RBFOX1: variants seen among roughly 807,000 people sequenced by gnomAD.
RBFOX1 encodes the protein RNA binding fox-1 homolog 1.
Under a neutral mutation model 57.7 loss-of-function variants are expected in RBFOX1, and 8 were observed. The ratio of observed to expected loss-of-function variants is 0.14; its 90% CI spans 0.08 to 0.25. RBFOX1 has a LOEUF of 0.25. RBFOX1 is among the 10% of genes least tolerant of loss of function. RBFOX1 has a pLI of 1.00. For missense variants in RBFOX1, 611 were observed against 548.5 expected, an observed-to-expected ratio of 1.11 and a Z score of -1.14; for synonymous variants, 326 against 222.4, an observed-to-expected ratio of 1.47 and a Z score of -4.15.
At chr16:7,001,115 G>T (rs1393607447) in intron 3 of RBFOX1, among the ~76,000 whole-genome samples, 5 of 152,106 alleles carry the variant, frequency 3.3e-5, no homozygotes, top group African/African-American at 9.7e-5. Flanking sequence ...AGGGGCATCT[G>T]TATCTTCCTT....
At chr16:7,413,506 C>T (rs1259165075) in intron 4 of RBFOX1, among the ~76,000 whole-genome samples, 2 of 152,090 alleles carry the variant, frequency 1.3e-5, no homozygotes, top group Non-Finnish European at 2.9e-5. Flanking sequence ...CTGGGGACCA[C>T]ACTTTGCAAG....
intron 3 of RBFOX1, chr16:5,611,154 C>G (rs2047771998): frequency 6.6e-6 from 1 of 152,326 alleles, no homozygotes; most frequent in South Asian, 2.1e-4. Context: ...CCGAATCCAC[C>G]CAGTCTCCCT....
chr16:6,119,761 A>C (rs996442603), intron 1 of RBFOX1, among the ~76,000 whole-genome samples: 1 of 152,200 alleles, frequency 6.6e-6, no homozygotes, highest in Non-Finnish European at 1.5e-5. Context: ...CAGCCTCCTG[A>C]AACACTAGGA....
At chr16:7,489,707 C>CT (rs1753413770) in intron 4 of RBFOX1, among the ~76,000 whole-genome samples, 1 of 150,862 alleles carries the variant, frequency 6.6e-6, no homozygotes, top group East Asian at 1.9e-4. Flanking sequence ...TTGTAGAGAC[C>CT]GTTTTTTTTT....
intron 3 of RBFOX1, among the ~76,000 whole-genome samples, chr16:6,796,155 G>A (rs555716657): frequency 7.2e-5 from 11 of 152,132 alleles, no homozygotes; most frequent in Admixed American, 2.0e-4. Flanking sequence ...ACATGGTGGC[G>A]GACAAGAGAA....
At chr16:7,044,150 G>A (rs1010237723) in intron 3 of RBFOX1, among the ~76,000 whole-genome samples, 2 of 152,054 alleles carry the variant, frequency 1.3e-5, no homozygotes, top group African/African-American at 4.8e-5. Context: ...TCCAGAAGGT[G>A]CTTGAGATAT....
intron 1 of RBFOX1, among the ~76,000 whole-genome samples, chr16:5,275,624 C>T (rs949140493): frequency 6.6e-6 from 1 of 152,062 alleles, no homozygotes. Context: ...AAGCAGTTTA[C>T]AAATTTAATG....
rs535479819 is a variant in RBFOX1 at position 6,449,681 on chromosome 16, C to T, written c.-64+132624C>T. The stretch of plus-strand genomic sequence containing the variant: ...CGTCAACACTGGGGTAAATCTCTAA[C>T]GTTGCATTCTGGAGTGCTGTTTAAG... On this transcript the variant is annotated intron_variant, in intron 2 of 15. Transcript: ENST00000550418. 3.9e-5 allele frequency among the ~76,000 whole-genome samples: 6 copies of T among 152,238 alleles called. No individual in the cohort carries two copies. In the South Asian group the frequency reaches 8.3e-4, roughly 21 times the overall value.
intron 3 of RBFOX1, among the ~76,000 whole-genome samples, chr16:6,989,950 G>A (rs890050066): frequency 1.3e-5 from 2 of 152,114 alleles, no homozygotes; most frequent in African/African-American, 4.8e-5. Flanking sequence ...GCAGTGAACT[G>A]AGACCGCACC....
intron 14 of RBFOX1, among the ~76,000 whole-genome samples, chr16:7,684,030 G>C (rs370280802): frequency 6.6e-6 from 1 of 152,168 alleles, no homozygotes; most frequent in East Asian, 1.9e-4. Context: ...TTCAAGATAA[G>C]ATGAAATTTT....
chr16:5,335,988 TA>T (rs1355785488), intron 1 of RBFOX1, among the ~76,000 whole-genome samples: 6 of 152,254 alleles, frequency 3.9e-5, no homozygotes, highest in Non-Finnish European at 7.4e-5. Context: ...TAGGAATTAT[TA>T]TTAGTCCAAT....
intron 3 of RBFOX1, among the ~76,000 whole-genome samples, chr16:6,986,402 T>G (rs955322457): frequency 2.0e-5 from 3 of 151,958 alleles, no homozygotes; most frequent in Non-Finnish European, 2.9e-5. Context: ...TTTCACCATG[T>G]TGGCCAGGCT....
chr16:6,786,933 T>G (rs1009298830), intron 3 of RBFOX1, among the ~76,000 whole-genome samples: 2 of 152,164 alleles, frequency 1.3e-5, no homozygotes, highest in South Asian at 4.1e-4. Context: ...TTATTGACTC[T>G]TAGGGACCTT....
Position 5,777,288 on chromosome 16 carries a change from A to G in RBFOX1, c.319-90015A>G, listed in dbSNP as rs145457789. On this transcript the variant is annotated intron_variant, in intron 3 of 19. Coordinates refer to the RBFOX1 transcript ENST00000641259. Reference sequence around the variant, plus strand: ...CTACCTTCATAGTCAGCAACAGATAATCTTCAAGTCTTTTAATTCTGACCC... The same window carrying G: ...CTACCTTCATAGTCAGCAACAGATAGTCTTCAAGTCTTTTAATTCTGACCC... Among the ~76,000 whole-genome samples the G allele has an allele frequency of 2.7e-3, 414 of 152,282 alleles. 3 individuals are homozygous for G. Among genetic ancestry groups the G allele is most frequent in the Middle Eastern group, 6.8e-3 (2 of 294 alleles).
intron 3 of RBFOX1, among the ~76,000 whole-genome samples, chr16:6,994,161 A>C (rs1035606718): frequency 5.3e-5 from 8 of 152,132 alleles, no homozygotes; most frequent in African/African-American, 1.9e-4. Context: ...TGGCGGGATC[A>C]GGGAGCCACA....
chr16:7,390,427 T>TCCCTGCAACTGAAAC (rs2097982884), intron 4 of RBFOX1, among the ~76,000 whole-genome samples: 1 of 152,290 alleles, frequency 6.6e-6, no homozygotes, highest in African/African-American at 2.4e-5. Flanking sequence ...AAGACTTGGG[T>TCCCTGCAACTGAAAC]TTAAGTTTCA....
chr16:6,774,008 G>T (rs2078907893), intron 3 of RBFOX1: 1 of 985,304 alleles, frequency 1.0e-6, no homozygotes. Context: ...GCTCCTCAGA[G>T]ACCAGGTAAT....
At chr16:7,428,633 A>C (rs916541247) in intron 4 of RBFOX1, among the ~76,000 whole-genome samples, 7 of 151,544 alleles carry the variant, frequency 4.6e-5, no homozygotes, top group Non-Finnish European at 8.8e-5. Flanking sequence ...GGCCTCCCAT[A>C]GTGCTGGGAT....
At chr16:7,171,624 A>G (rs1404764586) in intron 4 of RBFOX1, among the ~76,000 whole-genome samples, 1 of 152,200 alleles carries the variant, frequency 6.6e-6, no homozygotes, top group African/African-American at 2.4e-5. Context: ...TATCAATGAC[A>G]TGGAAGGGGC....
Sources: gnomAD v4.1 joint callset for allele counts (sites outside exome capture counted in the v4.1 genomes callset) on GRCh38, gnomAD v4.1.1 for gene constraint, MANE v1.5 for transcripts, NCBI Gene and HGNC (gene_info 2026-07-23, HGNC 2026-07-21) for gene names.